The following CSMD1 variants were observed in gnomAD, a reference collection of about 807,000 sequenced individuals.
CSMD1 encodes the protein CUB and Sushi multiple domains 1, also known as CUB and sushi domain-containing protein 1.
CSMD1 carries 213 observed loss-of-function variants against 417.5 expected under a neutral mutation model. The observed-to-expected ratio is 0.51, with a 90% CI of 0.46 to 0.57. CSMD1 has a LOEUF of 0.57. CSMD1 is among the 20% of genes least tolerant of loss of function. The probability of loss-of-function intolerance (pLI) is 0.00; values close to 1 mark genes in which losing one functional copy is unlikely to be tolerated. For synonymous variants in CSMD1, 2,862 were observed against 1,736.8 expected, an observed-to-expected ratio of 1.65 and a Z score of -16.11; for missense variants, 6,923 against 4,529.7, an observed-to-expected ratio of 1.53 and a Z score of -15.17.
intron 2 of CSMD1, among the ~76,000 whole-genome samples, chr8:4,422,936 A>G (rs977024151): frequency 1.3e-5 from 2 of 152,108 alleles, no homozygotes; most frequent in East Asian, 3.9e-4. Context: ...TCACAAGATC[A>G]TAGTAATCTA....
chr8:3,166,392 G>A (rs1325526913), intron 37 of CSMD1, among the ~76,000 whole-genome samples: 1 of 152,034 alleles, frequency 6.6e-6, no homozygotes, highest in Non-Finnish European at 1.5e-5. Context: ...AAAGTACCCG[G>A]GCGTGGTGGT....
intron 3 of CSMD1, among the ~76,000 whole-genome samples, chr8:4,405,807 C>A (rs886239978): frequency 6.6e-6 from 1 of 152,142 alleles, no homozygotes; most frequent in Non-Finnish European, 1.5e-5. Context: ...GACACATGCC[C>A]TGGGCGGAGC....
In CSMD1 at chr8:3,556,391, TAATATATA is replaced by T. The variant is rs1218350639; in HGVS notation, c.1344+18546_1344+18553del. 3.7e-4 allele frequency among the ~76,000 whole-genome samples: 14 copies of T among 37,346 alleles called. No homozygotes were observed. The South Asian group carries it at 7.9e-3, about 21-fold the overall frequency. The allele number at this position is 37,346 out of a possible 152,430, so 24.5% of individuals were successfully genotyped here. A position where few individuals can be genotyped will look rare whatever the true frequency, so the allele number is the denominator to read the frequency against. On this transcript the variant is annotated intron_variant, in intron 10 of 69. Coordinates refer to ENST00000635120, the MANE Select transcript of CSMD1 (RefSeq NM_033225.6). ...AAAGATTTTTAAAATTTATAATAAT[TAATATATA>T]TATATATATATATATTCACACACAC...
intron 3 of CSMD1, among the ~76,000 whole-genome samples, chr8:4,120,418 G>C (rs1802419173): frequency 6.6e-6 from 1 of 152,078 alleles, no homozygotes; most frequent in Non-Finnish European, 1.5e-5. Flanking sequence ...ATTGTTTGTT[G>C]AGTTTTCTCT....
At chr8:2,989,666 G>C (rs1029665284) in intron 54 of CSMD1, among the ~76,000 whole-genome samples, 2 of 152,184 alleles carry the variant, frequency 1.3e-5, no homozygotes, top group African/African-American at 2.4e-5. Context: ...CTGGGATACA[G>C]AGAATGATGA....
At chr8:4,056,203 T>C (rs1798682012) in intron 3 of CSMD1, among the ~76,000 whole-genome samples, 1 of 147,266 alleles carries the variant, frequency 6.8e-6, no homozygotes, top group Non-Finnish European at 1.5e-5. Flanking sequence ...TGCCTCAGCC[T>C]CCCGAGTAGC....
chr8:3,529,188 G>C (rs1477452844), intron 10 of CSMD1, among the ~76,000 whole-genome samples: 1 of 152,184 alleles, frequency 6.6e-6, no homozygotes, highest in Non-Finnish European at 1.5e-5. Flanking sequence ...CCTACTGTTT[G>C]AATCAGACTA....
intron 2 of CSMD1, among the ~76,000 whole-genome samples, chr8:4,507,385 T>C (rs1204897711): frequency 3.9e-5 from 6 of 152,210 alleles, no homozygotes; most frequent in African/African-American, 1.4e-4. Context: ...TGGTGCTATA[T>C]ATAACATAGA....
chr8:4,322,614 A>G (rs1182129677), intron 3 of CSMD1, among the ~76,000 whole-genome samples: 2 of 152,354 alleles, frequency 1.3e-5, no homozygotes, highest in African/African-American at 2.4e-5. Context: ...TAGAAGCAGA[A>G]AAATGCTGGA....
At chr8:3,417,863 C>T (rs535396541) in intron 12 of CSMD1, among the ~76,000 whole-genome samples, 5 of 152,266 alleles carry the variant, frequency 3.3e-5, no homozygotes, top group South Asian at 2.1e-4. Context: ...CATGTCCACG[C>T]GGTATGGACG....
At chr8:3,390,482 T>A (rs1351080857) in intron 17 of CSMD1, among the ~76,000 whole-genome samples, 2 of 150,842 alleles carry the variant, frequency 1.3e-5, no homozygotes, top group African/African-American at 2.4e-5. Context: ...GTGGGAAAGG[T>A]AGGGCAAAGT....
intron 1 of CSMD1, among the ~76,000 whole-genome samples, chr8:4,844,073 T>G (rs1800993812): frequency 6.6e-6 from 1 of 152,202 alleles, no homozygotes; most frequent in Non-Finnish European, 1.5e-5. Flanking sequence ...GCTTTCTATC[T>G]TTAGGGGAAA....
intron 3 of CSMD1, among the ~76,000 whole-genome samples, chr8:4,133,189 T>A (rs946801356): frequency 6.6e-6 from 1 of 152,042 alleles, no homozygotes; most frequent in African/African-American, 2.4e-5. Context: ...GCCCACCTCA[T>A]CCTCCCAAAG....
intron 25 of CSMD1, among the ~76,000 whole-genome samples, chr8:3,296,541 G>T (rs911098124): frequency 2.0e-5 from 3 of 152,140 alleles, no homozygotes; most frequent in African/African-American, 7.2e-5. Flanking sequence ...AGAACTGGCC[G>T]TGCTTGCTTG....
chr8:4,554,383 T>A (rs1024341468), intron 2 of CSMD1, among the ~76,000 whole-genome samples: 4 of 152,192 alleles, frequency 2.6e-5, no homozygotes, highest in Admixed American at 2.6e-4. Context: ...GTGATCTACC[T>A]GCCTCGGCCT....
chr8:3,787,038 G>A (rs1006681345), intron 5 of CSMD1, among the ~76,000 whole-genome samples: 5 of 152,154 alleles, frequency 3.3e-5, no homozygotes, highest in Admixed American at 2.0e-4. Context: ...TAACTTCTAT[G>A]TGTGAAGTGT....
At chr8:3,629,124 G>C (rs1796644853) in intron 7 of CSMD1, among the ~76,000 whole-genome samples, 2 of 152,120 alleles carry the variant, frequency 1.3e-5, no homozygotes, top group African/African-American at 4.8e-5. Flanking sequence ...GACACCTCAG[G>C]CATGACGTGA....
intron 1 of CSMD1, among the ~76,000 whole-genome samples, chr8:4,827,865 C>A (rs75002342): frequency 2.0e-5 from 3 of 152,086 alleles, no homozygotes; most frequent in Non-Finnish European, 4.4e-5. Context: ...TGCCCTTTAC[C>A]ATTTTAATCT....
chr8:4,951,394 G>C (rs1056425456), intron 1 of CSMD1, among the ~76,000 whole-genome samples: 3 of 151,390 alleles, frequency 2.0e-5, no homozygotes, highest in Non-Finnish European at 2.9e-5. Flanking sequence ...GATCAGAGGT[G>C]TGACTCCTTT....
Sources: allele counts gnomAD v4.1 joint callset (sites outside exome capture counted in the v4.1 genomes callset), GRCh38; gene constraint gnomAD v4.1.1; transcripts MANE v1.5; gene names NCBI Gene and HGNC (gene_info 2026-07-23, HGNC 2026-07-21).